Variants in SOX5 observed in about 807,000 individuals in gnomAD.
SOX5 encodes the protein transcription factor SOX-5.
A neutral mutation model predicts 92.0 loss-of-function variants in SOX5; 9 were observed. The ratio of observed to expected loss-of-function variants is 0.10; its 90% CI spans 0.06 to 0.17. The LOEUF is 0.17. SOX5 is among the 10% of genes least tolerant of loss of function. The pLI is 1.00. For missense variants in SOX5, 642 were observed against 944.5 expected, an observed-to-expected ratio of 0.68 and a Z score of 4.20; for synonymous variants, 344 against 336.3, an observed-to-expected ratio of 1.02 and a Z score of -0.25.
At chr12:23,929,009 C>T (rs554175107) in intron 1 of SOX5, among the ~76,000 whole-genome samples, 5 of 140,326 alleles carry the variant, frequency 3.6e-5, no homozygotes, top group Non-Finnish European at 7.9e-5. Flanking sequence ...AATTAAGTGA[C>T]TGCTCTGGTA....
At chr12:24,373,684 A>C (rs1704671885) in intron 1 of SOX5, among the ~76,000 whole-genome samples, 1 of 152,236 alleles carries the variant, frequency 6.6e-6, no homozygotes, top group South Asian at 2.1e-4. Flanking sequence ...ATGGATATAT[A>C]TAGATATCTA....
intron 4 of SOX5, among the ~76,000 whole-genome samples, chr12:24,056,835 C>T (rs1592738394): frequency 6.7e-6 from 1 of 149,324 alleles, no homozygotes; most frequent in East Asian, 1.9e-4. Context: ...ATTAGCCGGG[C>T]GTAGTGGCGG....
rs180867172 is a variant in SOX5 at position 24,519,180 on chromosome 12, G to T, written c.-251+43149C>A. 2.0e-5 allele frequency among the ~76,000 whole-genome samples: 3 copies of T among 151,892 alleles called. No homozygotes were observed. The East Asian group carries it at 5.8e-4, about 29-fold the overall frequency. ...GCTACGTGAATTTTTTTCTTTTTCA[G>T]TATGTTCTTATATTTAATCATTCAT... On this transcript the variant is annotated intron_variant, in intron 1 of 4. Coordinates refer to the SOX5 transcript ENST00000446891.
intron 1 of SOX5, among the ~76,000 whole-genome samples, chr12:24,385,244 T>C (rs77066438): frequency 0.024 from 3,687 of 152,296 alleles, 72 homozygotes; most frequent in East Asian, 0.049. Flanking sequence ...TGCAAAACCA[T>C]TCTGTTTTTC....
chr12:23,698,161 A>C (rs2090142140), intron 6 of SOX5, among the ~76,000 whole-genome samples: 1 of 152,036 alleles, frequency 6.6e-6, no homozygotes, highest in Admixed American at 6.6e-5. Flanking sequence ...TTCTCTGTAT[A>C]GATGGTTTTT....
chr12:23,562,944 G>A (rs951149149), intron 11 of SOX5, among the ~76,000 whole-genome samples: 1 of 152,150 alleles, frequency 6.6e-6, no homozygotes, highest in Non-Finnish European at 1.5e-5. Flanking sequence ...TACAAGTTAA[G>A]CATCTCTGAA....
At chr12:24,149,089 G>A (rs1481188018) in intron 4 of SOX5, among the ~76,000 whole-genome samples, 4 of 152,024 alleles carry the variant, frequency 2.6e-5, no homozygotes, top group Non-Finnish European at 5.9e-5. Flanking sequence ...ATTCAAAATG[G>A]ATCACAGACC....
chr12:24,314,137 C>T (rs996002927), intron 2 of SOX5, among the ~76,000 whole-genome samples: 19 of 152,148 alleles, frequency 1.2e-4, no homozygotes, highest in African/African-American at 4.6e-4. Context: ...CCCACCTTGC[C>T]TCCCTGTTTC....
At chr12:23,719,208 G>A (rs749275062) in intron 6 of SOX5, among the ~76,000 whole-genome samples, 16 of 152,198 alleles carry the variant, frequency 1.1e-4, no homozygotes, top group South Asian at 4.2e-4. Context: ...GATACCATGC[G>A]TCATGACATG....
intron 6 of SOX5, among the ~76,000 whole-genome samples, chr12:23,730,722 T>C (rs534522259): frequency 6.6e-6 from 1 of 152,320 alleles, no homozygotes; most frequent in South Asian, 2.1e-4. Context: ...ATAAAACCCG[T>C]TCACTTGCAG....
intron 3 of SOX5, among the ~76,000 whole-genome samples, chr12:23,843,441 A>G (rs1261723240): frequency 6.6e-6 from 1 of 151,706 alleles, no homozygotes; most frequent in Non-Finnish European, 1.5e-5. Flanking sequence ...ACTCTGTACT[A>G]TCTGCTTAAT....
intron 1 of SOX5, among the ~76,000 whole-genome samples, chr12:24,520,494 GA>G (rs993891186): frequency 7.4e-6 from 1 of 134,946 alleles, no homozygotes; most frequent in African/African-American, 2.5e-5. Context: ...ACACATAAAA[GA>G]TAAACAGTAA....
chr12:24,371,924 G>A (rs1002653203), intron 1 of SOX5, among the ~76,000 whole-genome samples: 1 of 151,962 alleles, frequency 6.6e-6, no homozygotes, highest in Admixed American at 6.6e-5. Context: ...GGAAGTGGAG[G>A]TTGCAGTGAG....
rs542890533 is a variant in SOX5 at position 23,533,008 on chromosome 12, C to T, written c.*1211G>A. On this transcript the variant is annotated 3_prime_UTR_variant, in exon 15 of 15. Transcript: ENST00000451604. ...CTGGGAGCAGTTTGCTAGTAGCTTC[C>T]ATGTTATACATGCACACCTCTATTA... is the stretch of plus-strand genomic sequence containing the variant. 2 of 196,640 alleles carry T rather than the reference C, an allele frequency of 1.0e-5. No homozygotes were observed. The highest frequency in any genetic ancestry group is 6.5e-4 in the Middle Eastern group (1 of 1,542). 12.2% of individuals were successfully genotyped at this position (196,640 alleles called of 1,614,324 possible). A position where few individuals can be genotyped will look rare whatever the true frequency, so the allele number is the denominator to read the frequency against.
intron 1 of SOX5, among the ~76,000 whole-genome samples, chr12:24,551,897 TA>T (rs1953219288): frequency 6.6e-6 from 1 of 152,234 alleles, no homozygotes; most frequent in African/African-American, 2.4e-5. Context: ...TGTGTGTTTT[TA>T]TTCATTGATT....
chr12:24,133,122 G>T (rs1949802710), intron 4 of SOX5, among the ~76,000 whole-genome samples: 1 of 152,120 alleles, frequency 6.6e-6, no homozygotes, highest in African/African-American at 2.4e-5. Context: ...TGGCATAAAG[G>T]CTTCCCACTC....
At chr12:23,812,834 AC>A (rs776134449) in intron 3 of SOX5, among the ~76,000 whole-genome samples, 1 of 152,162 alleles carries the variant, frequency 6.6e-6, no homozygotes, top group African/African-American at 2.4e-5. Flanking sequence ...ACACTAATAC[AC>A]TTTTATTTGA....
chr12:23,777,907 T>C (rs1167153303), intron 3 of SOX5, among the ~76,000 whole-genome samples: 1 of 152,240 alleles, frequency 6.6e-6, no homozygotes, highest in Non-Finnish European at 1.5e-5. Flanking sequence ...AGTTCTAGCA[T>C]GGCTCTCATG....
chr12:23,998,825 A>AAG lies in SOX5; in HGVS notation c.-1-102802_-1-102801insCT, dbSNP rs1555466998. 1.9e-3 allele frequency among the ~76,000 whole-genome samples: 252 copies of AAG among 129,708 alleles called. 1 individual carries two copies. The highest frequency in any genetic ancestry group is 4.3e-3 in the Admixed American group (52 of 12,092). The allele number at this position is 129,708 out of a possible 152,430, so 85.1% of individuals were successfully genotyped here. On this transcript the variant is annotated intron_variant, in intron 4 of 4. Coordinates refer to the SOX5 transcript ENST00000446891. ...TCTCAAAAAAAAAAAAAAAAAAAAA[A>AAG]GGGGGGGCGAAAAATTATTTGAAGT...
Sources: gnomAD v4.1 joint callset for allele counts (sites outside exome capture counted in the v4.1 genomes callset) on GRCh38, gnomAD v4.1.1 for gene constraint, MANE v1.5 for transcripts, NCBI Gene and HGNC (gene_info 2026-07-23, HGNC 2026-07-21) for gene names.